The following LRRC71 variants were observed in gnomAD, a reference collection of about 807,000 sequenced individuals.
LRRC71 encodes the protein leucine rich repeat containing 71.
In LRRC71, 54 loss-of-function variants were observed where a neutral mutation model predicts 66.6. The ratio of observed to expected loss-of-function variants is 0.81; its 90% CI spans 0.65 to 1.02. The LOEUF is 1.02. Among genes scored for constraint, LRRC71 ranks in the 50% least tolerant of loss-of-function variants. LRRC71 has a pLI of 0.00. For missense variants in LRRC71, 724 were observed against 718.0 expected (o/e 1.01, Z -0.10); for synonymous variants, 323 against 303.9 (o/e 1.06, Z -0.65).
At position 156,929,688 on chromosome 1, in the gene LRRC71, G is replaced by A. The variant is rs536557466; in HGVS notation, c.1199G>A (p.Gly400Glu). ...GGGTCTGGGCAGTCACCCACACAAG[G>A]AACCCCTAAGAAGGAAGATGCCACA... ...KLGSGQSPTQ[G>E]TPKKEDATKA... Residue 400 changes from glycine (G) to glutamate (E), a missense_variant, in exon 11 of 15, where the codon GGA (glycine) becomes GAA (glutamate). Physicochemically the swap from Gly to Glu is moderately conservative, Grantham distance 98. Coordinates refer to ENST00000337428, the MANE Select transcript of LRRC71 (RefSeq NM_144702.3). 1.1e-5 allele frequency: 17 copies of A among 1,580,910 alleles called. No homozygotes were observed. In the East Asian group the frequency reaches 3.5e-4, roughly 32 times the overall value.
chr1:156,938,457 GCT>G, the LRRC71 span: 1 of 1,613,918 alleles, frequency 6.2e-7, no homozygotes, highest in Non-Finnish European at 8.5e-7. Flanking sequence ...GGTGGCCCAG[GCT>G]CTGACTGGCC....
At chr1:156,924,799 C>T (rs1652939994) in intron 4 of LRRC71, 81 bp downstream of exon 4, 1 of 1,474,024 alleles carries the variant, frequency 6.8e-7, no homozygotes, top group Non-Finnish European at 9.3e-7. Context: ...AACCAAGGGG[C>T]ATGGGAGACC....
chr1:156,930,080 T>C (rs938669809), intron 11 of LRRC71, among the ~76,000 whole-genome samples: 9 of 110,448 alleles, frequency 8.1e-5, no homozygotes, highest in East Asian at 3.8e-4. Context: ...TTCTTTCTTT[T>C]CTTTCTTTCT....
At chr1:156,939,833 C>T in the LRRC71 span, 24 of 1,613,084 alleles carry the variant, frequency 1.5e-5, no homozygotes, top group East Asian at 2.2e-4. Context: ...AGGTCGTCCT[C>T]GGGCTCCTGG....
chr1:156,939,475 G>A, the LRRC71 span: 2 of 1,593,000 alleles, frequency 1.3e-6, no homozygotes, highest in Non-Finnish European at 1.7e-6. Flanking sequence ...AGGGAAGGAA[G>A]CAGCTGTTCG....
chr1:156,937,237 T>TGC, downstream of LRRC71: 1 of 1,608,578 alleles, frequency 6.2e-7, no homozygotes, highest in Non-Finnish European at 8.5e-7. Flanking sequence ...ACCCAAGCCC[T>TGC]GCTTCCCTCA....
chr1:156,931,880 C>G, intron 12 of LRRC71, 36 bp from the exon 13 acceptor site: 1 of 1,496,772 alleles, frequency 6.7e-7, no homozygotes, highest in Non-Finnish European at 9.1e-7. Context: ...ACCAGCTCCC[C>G]TGCTGTCTGC....
At chr1:156,936,370 ACCTGCAATC>A, downstream of LRRC71, 1 of 435,760 alleles carries the variant, frequency 2.3e-6, no homozygotes, top group Non-Finnish European at 4.5e-6. Context: ...CATGGTGTGC[ACCTGCAATC>A]CCAGCTGCTT....
Position 156,930,635 on chromosome 1 carries a change from G to A in LRRC71, c.1329+18G>A. 6.4e-7 allele frequency: 1 copy of A among 1,551,844 alleles called. No homozygotes were observed. The highest frequency in any genetic ancestry group is 8.7e-7 in the Non-Finnish European group (1 of 1,146,424). Reference sequence around the variant, plus strand: ...AGTCCGAGGTAAGTTGCCAGGAGGAGTGGAGGCAGGGGGCACACCCCTGGG... The same window carrying A: ...AGTCCGAGGTAAGTTGCCAGGAGGAATGGAGGCAGGGGGCACACCCCTGGG... On this transcript the variant is annotated intron_variant, in intron 12 of 14. Coordinates refer to ENST00000337428, the MANE Select transcript of LRRC71 (RefSeq NM_144702.3).
chr1:156,937,228 C>T, downstream of LRRC71: 1 of 1,612,316 alleles, frequency 6.2e-7, no homozygotes, highest in Non-Finnish European at 8.5e-7. Context: ...CCTGCAGGGA[C>T]CCAAGCCCTG....
Position 156,924,732 on chromosome 1 carries a change from AGGGGAT to A in LRRC71, c.515+18_515+23del, listed in dbSNP as rs1448165877. Reference sequence around the variant, plus strand: ...ACAGGCCATCAAGTGAGAGGCACTGAGGGGATGGGCGGGGGACCAGAGTGGGAGTTG... The same window carrying A: ...ACAGGCCATCAAGTGAGAGGCACTGAGGGCGGGGGACCAGAGTGGGAGTTG... On this transcript the variant is annotated intron_variant, in intron 4 of 14. Coordinates refer to ENST00000337428, the MANE Select transcript of LRRC71 (RefSeq NM_144702.3). The A allele has an allele frequency of 6.4e-7, 1 of 1,550,434 alleles. No individual in the cohort carries two copies. Among genetic ancestry groups the A allele is most frequent in the Non-Finnish European group, 8.7e-7 (1 of 1,146,416 alleles).
rs747598985 is a variant in LRRC71 at position 156,924,194 on chromosome 1, G to GGT, written c.310+108_310+109dup. On this transcript the variant is annotated intron_variant, in intron 2 of 14. Transcript: ENST00000337428. ...CGGGCCAAATGGAGGGACGCGGGGCGGTGTGTGTGTGTGAGTCGGCGGTAT... is the reference window on the plus strand; with the variant it reads ...CGGGCCAAATGGAGGGACGCGGGGCGGTGTGTGTGTGTGTGAGTCGGCGGTAT... The GGT allele has an allele frequency of 4.6e-5, 64 of 1,381,938 alleles. 1 individual carries two copies. Among genetic ancestry groups the GGT allele is most frequent in the South Asian group, 5.3e-5 (4 of 74,850 alleles). 85.6% of individuals were successfully genotyped at this position (1,381,938 alleles called of 1,614,324 possible).
chr1:156,931,533 C>A (rs1654365931), intron 12 of LRRC71, among the ~76,000 whole-genome samples: 1 of 152,216 alleles, frequency 6.6e-6, no homozygotes, highest in South Asian at 2.1e-4. Flanking sequence ...TTAGTAAAAT[C>A]TGAATGCGAC....
intron 11 of LRRC71, 143 bp from the exon 12 acceptor site, chr1:156,930,386 C>A (rs1654186458): frequency 1.5e-6 from 1 of 655,558 alleles, no homozygotes; most frequent in Non-Finnish European, 2.7e-6. Flanking sequence ...AGCTACAGCG[C>A]CCAGCCCCCT....
chr1:156,938,566 G>GGGAAGGGAGAGAGAACA, the LRRC71 span: 2 of 1,563,610 alleles, frequency 1.3e-6, no homozygotes, highest in Non-Finnish European at 1.8e-6. Flanking sequence ...CACAAGGAAA[G>GGGAAGGGAGAGAGAACA]GGAAGGGAGA....
downstream of LRRC71, chr1:156,937,012 G>T: frequency 1.2e-6 from 2 of 1,610,902 alleles, no homozygotes; most frequent in Non-Finnish European, 8.5e-7. Flanking sequence ...TATCCTGGAA[G>T]AGTCGGCGGG....
chr1:156,937,338 T>G (rs1228288756), downstream of LRRC71: 3 of 1,613,508 alleles, frequency 1.9e-6, no homozygotes, highest in Non-Finnish European at 2.5e-6. Context: ...GGAGAGCGGC[T>G]GGGGCGTCTT....
chr1:156,936,746 G>T, downstream of LRRC71: 10 of 1,516,748 alleles, frequency 6.6e-6, no homozygotes, highest in East Asian at 2.3e-4. Flanking sequence ...ACTGCTTAGT[G>T]ATGTGTCCTC....
At chr1:156,933,239 G>T, downstream of LRRC71, 1 of 417,512 alleles carries the variant, frequency 2.4e-6, no homozygotes, top group Non-Finnish European at 4.3e-6. Context: ...CAGTTAGCCA[G>T]GGGCATTGCC....
Sources: gnomAD v4.1 joint callset for allele counts (sites outside exome capture counted in the v4.1 genomes callset) on GRCh38, gnomAD v4.1.1 for gene constraint, MANE v1.5 for transcripts, NCBI Gene and HGNC (gene_info 2026-07-23, HGNC 2026-07-21) for gene names.